PIGG: variants seen among roughly 807,000 people sequenced by gnomAD.
PIGG encodes the protein phosphatidylinositol glycan anchor biosynthesis class G (EMM blood group).
Under a neutral mutation model 83.2 loss-of-function variants are expected in PIGG, and 70 were observed. The ratio of observed to expected loss-of-function variants is 0.84; its 90% CI spans 0.69 to 1.03. PIGG has a LOEUF of 1.03. Ranked by LOEUF, PIGG falls within the 50% of genes least tolerant of loss-of-function variation. The pLI is 0.00. For missense variants in PIGG, 1,257 were observed against 1,233.6 expected, an observed-to-expected ratio of 1.02 and a Z score of -0.28; for synonymous variants, 532 against 519.5, an observed-to-expected ratio of 1.02 and a Z score of -0.33.
intron 6 of PIGG, among the ~76,000 whole-genome samples, chr4:518,401 G>A (rs184116068): frequency 2.0e-5 from 3 of 152,256 alleles, no homozygotes; most frequent in African/African-American, 7.2e-5. Flanking sequence ...AGACCGTCCT[G>A]GCTAACACAG....
At chr4:527,548 C>A in intron 10 of PIGG, 1 of 1,069,136 alleles carries the variant, frequency 9.4e-7, no homozygotes, top group Non-Finnish European at 1.1e-6. Flanking sequence ...GACAGATGAG[C>A]GTGAATCGGT....
At chr4:535,111 C>T (rs1263519073) in intron 12 of PIGG, among the ~76,000 whole-genome samples, 1 of 152,254 alleles carries the variant, frequency 6.6e-6, no homozygotes, top group Non-Finnish European at 1.5e-5. Flanking sequence ...AGCCTCAGTG[C>T]CTGGCCTGGC....
intron 6 of PIGG, among the ~76,000 whole-genome samples, chr4:517,700 GCAGCAGA>G (rs1724402759): frequency 6.6e-6 from 1 of 152,176 alleles, no homozygotes; most frequent in Admixed American, 6.5e-5. Context: ...AGAGCCCTAG[GCAGCAGA>G]CACTGCGACT....
Position 508,866 on chromosome 4 carries a change from G to A in PIGG, c.797G>A (p.Cys266Tyr), listed in dbSNP as rs782102728. The A allele has an allele frequency of 5.0e-6, 8 of 1,614,008 alleles. No individual in the cohort carries two copies. In the South Asian group the frequency reaches 8.8e-5, roughly 18 times the overall value. Residue 266 changes from cysteine (C) to tyrosine (Y), a missense_variant, in exon 5 of 13, where the codon TGT becomes TAT. Coordinates refer to ENST00000453061, the MANE Select transcript of PIGG (RefSeq NM_001127178.3). ...CCTTTACCCAATTTGCTGGTTCTTT[G>A]TGGTGACCATGGCATGTCTGAAACA... ...ETPLPNLLVL[C>Y]GDHGMSETGS... is the part of the protein sequence containing the mutation.
chr4:533,910 G>T lies in PIGG; in HGVS notation c.2664G>T (p.Ala888=), dbSNP rs772311981. 2 of 1,614,068 alleles carry T rather than the reference G, an allele frequency of 1.2e-6. No homozygotes were observed. ...AAATCCCAGCCGTGCTCCTGACAGC[G>T]TTTGGGACGTACGCAGGGCCTGTGC... ...YVEIPAVLLT[A]FGTYAGPVLW... Residue 888 remains alanine (A), a synonymous_variant, in exon 12 of 13, where the codon GCG becomes GCT. Transcript: ENST00000453061.
Position 539,327 on chromosome 4 carries a change from A to G in PIGG, c.2910A>G (p.Val970=). The part of the protein sequence containing the change: ...MHLLITAAVC[V]FFTAMDQTRL... Reference sequence around the variant, plus strand: ...TGCTCATTACAGCTGCTGTCTGTGTATTCTTCACGGCAATGGATCAAACCA... The same window carrying G: ...TGCTCATTACAGCTGCTGTCTGTGTGTTCTTCACGGCAATGGATCAAACCA... The change falls in exon 13 of 13, where the codon GTA becomes GTG. Residue 970 remains valine (V), a synonymous_variant. Transcript: ENST00000453061. 6.2e-7 allele frequency: 1 copy of G among 1,613,676 alleles called. No homozygotes were observed. The highest frequency in any genetic ancestry group is 1.1e-5 in the South Asian group (1 of 91,022).
intron 6 of PIGG, among the ~76,000 whole-genome samples, chr4:519,571 G>A (rs190474766): frequency 6.6e-6 from 1 of 152,354 alleles, no homozygotes; most frequent in East Asian, 1.9e-4. Flanking sequence ...TGCCTCCTCT[G>A]GATAACAGTT....
At chr4:512,824 T>C (rs564779223) in intron 5 of PIGG, among the ~76,000 whole-genome samples, 1 of 151,704 alleles carries the variant, frequency 6.6e-6, no homozygotes, top group Admixed American at 6.6e-5. Context: ...AAAATAGTAA[T>C]AATAATAATA....
At position 527,468 on chromosome 4, in the gene PIGG, A is replaced by G. The variant is rs942332304; in HGVS notation, c.2261+238A>G. ...TTTTTATGTTTTATGTGTTACTTTT[A>G]GGAGACAAATCACTTGGAAGTAAGA... On this transcript the variant is annotated intron_variant, in intron 10 of 12. Coordinates refer to ENST00000453061, the MANE Select transcript of PIGG (RefSeq NM_001127178.3). 6.2e-5 allele frequency: 79 copies of G among 1,281,982 alleles called. No individual in the cohort carries two copies. The African/African-American group carries it at 1.2e-3, about 19-fold the overall frequency. The allele number at this position is 1,281,982 out of a possible 1,614,324, so 79.4% of individuals were successfully genotyped here.
Position 533,608 on chromosome 4 carries a change from G to A in PIGG, c.2572-210G>A, listed in dbSNP as rs1224912757. The A allele has an allele frequency of 5.1e-6, 3 of 587,950 alleles. No individual in the cohort carries two copies. In the African/African-American group the frequency reaches 5.6e-5, roughly 11 times the overall value. 36.4% of individuals were successfully genotyped at this position (587,950 alleles called of 1,614,324 possible). A position where few individuals can be genotyped will look rare whatever the true frequency, so the allele number is the denominator to read the frequency against. On this transcript the variant is annotated intron_variant, in intron 11 of 12. Transcript: ENST00000453061. Reference sequence around the variant, plus strand: ...GCCCTTCCGCAGCCTGGGCACTGCAGGCAGGGGGAGGGGGTGCCACCTAGG... The same window carrying A: ...GCCCTTCCGCAGCCTGGGCACTGCAAGCAGGGGGAGGGGGTGCCACCTAGG...
intron 3 of PIGG, chr4:506,660 G>A (rs1553879515): frequency 7.5e-6 from 3 of 401,542 alleles, no homozygotes; most frequent in Non-Finnish European, 1.6e-5. Flanking sequence ...TTTTTAGTGG[G>A]AGGGAGATGA....
chr4:539,427 G>A lies in PIGG; in HGVS notation c.*58G>A. The A allele has an allele frequency of 9.5e-7, 1 of 1,047,808 alleles. No homozygotes were observed. The highest frequency in any genetic ancestry group is 1.4e-6 in the Non-Finnish European group (1 of 703,182). 64.9% of individuals were successfully genotyped at this position (1,047,808 alleles called of 1,614,324 possible). Reference sequence around the variant, plus strand: ...TTAAAGTCTGCTGTTATTCTAAAATGAAAGATATGAATTCAACAAAGTTGA... The same window carrying A: ...TTAAAGTCTGCTGTTATTCTAAAATAAAAGATATGAATTCAACAAAGTTGA... On this transcript the variant is annotated 3_prime_UTR_variant, in exon 13 of 13. Transcript: ENST00000453061.
At chr4:500,221 C>G (rs1433812444) in intron 1 of PIGG, among the ~76,000 whole-genome samples, 175 bp from the exon 2 acceptor site, 1 of 152,142 alleles carries the variant, frequency 6.6e-6, no homozygotes, top group African/African-American at 2.4e-5. Flanking sequence ...CCTGTTAACC[C>G]CCGTCCTTTC....
At chr4:507,956 C>T (rs1165725750) in intron 4 of PIGG, among the ~76,000 whole-genome samples, 1 of 152,112 alleles carries the variant, frequency 6.6e-6, no homozygotes, top group Non-Finnish European at 1.5e-5. Context: ...ACTCTCTCTT[C>T]TGTGTCACTC....
Position 499,502 on chromosome 4 carries a change from C to T in PIGG, c.154+13C>T. On this transcript the variant is annotated intron_variant, in intron 1 of 12. Coordinates refer to ENST00000453061, the MANE Select transcript of PIGG (RefSeq NM_001127178.3). ...GAACCCTCGGCTGGTACGGACCCCT[C>T]CCCGGCGTCTCCGCTCCCCTGACCC... is the stretch of plus-strand genomic sequence containing the variant. 6.3e-7 allele frequency: 1 copy of T among 1,583,616 alleles called. No homozygotes were observed.
chr4:523,444 CTT>C lies in PIGG; in HGVS notation c.1615-13_1615-12del. ...ATCAGACCGTCTCTTACAAAGTGCA[CTT>C]TCCTTTTCACAGAACCCCATGCATC... On this transcript the variant is annotated splice_polypyrimidine_tract_variant and intron_variant, in intron 8 of 12. Transcript: ENST00000453061. 1.9e-6 allele frequency: 3 copies of C among 1,580,284 alleles called. No homozygotes were observed. Among genetic ancestry groups the C allele is most frequent in the Non-Finnish European group, 2.6e-6 (3 of 1,157,262 alleles).
chr4:512,259 A>C (rs529680775), intron 5 of PIGG, among the ~76,000 whole-genome samples: 1 of 127,004 alleles, frequency 7.9e-6, no homozygotes, highest in South Asian at 2.3e-4. Flanking sequence ...TTGCTCTGTC[A>C]CCCAGGCTGG....
chr4:510,621 G>T (rs995379962), intron 5 of PIGG, among the ~76,000 whole-genome samples: 1 of 152,192 alleles, frequency 6.6e-6, no homozygotes, highest in East Asian at 1.9e-4. Context: ...ATGCGTGCAG[G>T]CTGCCTGCAA....
intron 5 of PIGG, among the ~76,000 whole-genome samples, chr4:511,478 T>C (rs1721937756): frequency 6.6e-6 from 1 of 152,184 alleles, no homozygotes. Flanking sequence ...TGTGTGGATG[T>C]ATATTTCCTA....
Sources: allele counts gnomAD v4.1 joint callset (sites outside exome capture counted in the v4.1 genomes callset), GRCh38; gene constraint gnomAD v4.1.1; transcripts MANE v1.5; gene names NCBI Gene and HGNC (gene_info 2026-07-23, HGNC 2026-07-21).